The following XPO6 variants were observed in gnomAD, a reference collection of about 807,000 sequenced individuals.
XPO6 encodes the protein exportin-6.
Under a neutral mutation model 130.0 loss-of-function variants are expected in XPO6, and 3 were observed. The observed-to-expected ratio is 0.02, with a 90% confidence interval of 0.01 to 0.06. The LOEUF is 0.06. Ranked by LOEUF, XPO6 falls within the 10% of genes least tolerant of loss-of-function variation. XPO6 has a pLI of 1.00. For synonymous variants in XPO6, 524 were observed against 548.9 expected, an observed-to-expected ratio of 0.95 and a Z score of 0.63; for missense variants, 970 against 1,393.0, an observed-to-expected ratio of 0.70 and a Z score of 4.83.
At chr16:28,138,820 C>T (rs2042829957) in intron 9 of XPO6, among the ~76,000 whole-genome samples, 1 of 152,142 alleles carries the variant, frequency 6.6e-6, no homozygotes, top group Non-Finnish European at 1.5e-5. Flanking sequence ...CCATCTCTGA[C>T]CATAAGATGA....
intron 2 of XPO6, among the ~76,000 whole-genome samples, chr16:28,180,539 T>C (rs1197695819): frequency 6.6e-6 from 1 of 152,056 alleles, no homozygotes; most frequent in Non-Finnish European, 1.5e-5. Flanking sequence ...ACTGTTTCTC[T>C]TTAAATAACC....
intron 8 of XPO6, among the ~76,000 whole-genome samples, chr16:28,146,697 A>G (rs1176939653): frequency 6.6e-6 from 1 of 152,208 alleles, no homozygotes; most frequent in Non-Finnish European, 1.5e-5. Context: ...ATGTAAGGAA[A>G]GTAACACTTG....
intron 15 of XPO6, among the ~76,000 whole-genome samples, chr16:28,114,055 G>A (rs976730876): frequency 9.9e-5 from 15 of 152,148 alleles, no homozygotes; most frequent in African/African-American, 3.1e-4. Flanking sequence ...TAACATAATA[G>A]AATCTGTCCA....
At chr16:28,135,428 T>G in intron 9 of XPO6, 104 bp from the exon 10 acceptor site, 1 of 898,986 alleles carries the variant, frequency 1.1e-6, no homozygotes, top group Non-Finnish European at 1.7e-6. Flanking sequence ...TTGATCACCA[T>G]GGAAAAAGAG....
intron 1 of XPO6, among the ~76,000 whole-genome samples, chr16:28,206,125 C>CA (rs1186234135): frequency 1.4e-5 from 2 of 146,290 alleles, no homozygotes; most frequent in East Asian, 4.0e-4. Context: ...AGATGCCTGG[C>CA]ATATAGAAAG....
chr16:28,200,322 C>T (rs554089915), intron 1 of XPO6, among the ~76,000 whole-genome samples: 42 of 152,298 alleles, frequency 2.8e-4, no homozygotes, highest in African/African-American at 9.6e-4. Flanking sequence ...TCATATAAAA[C>T]AGCAGCAGGC....
At chr16:28,191,830 CATG>C (rs1375252957) in intron 1 of XPO6, among the ~76,000 whole-genome samples, 1 of 152,256 alleles carries the variant, frequency 6.6e-6, no homozygotes, top group Non-Finnish European at 1.5e-5. Flanking sequence ...GCAAATCTAA[CATG>C]ATGATTAACG....
chr16:28,196,287 T>C (rs1667123275), intron 1 of XPO6, among the ~76,000 whole-genome samples: 1 of 152,224 alleles, frequency 6.6e-6, no homozygotes, highest in Non-Finnish European at 1.5e-5. Flanking sequence ...ACTTAATCTA[T>C]GTCATCTTTT....
Position 28,106,407 on chromosome 16 carries a change from T to C in XPO6, c.2588A>G (p.Gln863Arg). Residue 863 changes from glutamine (Q) to arginine (R), a missense_variant, in exon 19 of 24, where the codon CAG (glutamine) becomes CGG (arginine). By Grantham distance (43) the Gln-to-Arg change is conservative. Around this residue, in one of 4 missense-constraint regions of XPO6, gnomAD observed 936 missense variants for 1,306.8 expected, o/e 0.72. Coordinates refer to ENST00000304658, the MANE Select transcript of XPO6 (RefSeq NM_015171.4). This position sits in a 1 kb window ranked among gnomAD's most constrained non-coding sequence, Gnocchi z 4.2. ...CCTGGTAAACATGTTGAGGAAAGTC[T>C]GTATGATTTGCTCAGTGAAAGGCAC... ...MGVPFTEQII[Q>R]TFLNMFTREQ... 6.2e-7 allele frequency: 1 copy of C among 1,614,222 alleles called. No individual in the cohort carries two copies. Among genetic ancestry groups the C allele is most frequent in the Non-Finnish European group, 8.5e-7 (1 of 1,180,020 alleles).
At chr16:28,129,889 G>A (rs12598801) in intron 12 of XPO6, among the ~76,000 whole-genome samples, 1 of 152,224 alleles carries the variant, frequency 6.6e-6, no homozygotes, top group African/African-American at 2.4e-5. Flanking sequence ...GGTGGCAGAA[G>A]TCAAATACAG....
intron 4 of XPO6, 94 bp from the exon 5 acceptor site, chr16:28,170,003 T>C: frequency 6.1e-6 from 9 of 1,482,832 alleles, no homozygotes; most frequent in Non-Finnish European, 8.2e-6. Context: ...TCTGTGTGTG[T>C]TTAATCTTAC....
chr16:28,171,829 G>T (rs1269270044), intron 4 of XPO6, among the ~76,000 whole-genome samples: 1 of 152,010 alleles, frequency 6.6e-6, no homozygotes, highest in African/African-American at 2.4e-5. Flanking sequence ...CTGATCCTTG[G>T]TAAGCATCTC....
rs60754642 is a variant in XPO6 at position 28,186,374 on chromosome 16, C to CTTTTTTTTTTTTTTTTTTTTTTTTT, written c.4-5344_4-5343insAAAAAAAAAAAAAAAAAAAAAAAAA. 4.2e-3 allele frequency among the ~76,000 whole-genome samples: 345 copies of CTTTTTTTTTTTTTTTTTTTTTTTTT among 81,418 alleles called. 74 individuals carry two copies. Among genetic ancestry groups the CTTTTTTTTTTTTTTTTTTTTTTTTT allele is most frequent in the African/African-American group, 5.4e-3 (83 of 15,256 alleles). The allele number at this position is 81,418 out of a possible 152,430, so 53.4% of individuals were successfully genotyped here. A position where few individuals can be genotyped will look rare whatever the true frequency, so the allele number is the denominator to read the frequency against. ...TATAGATTTTTCTGCCCCAGTTATT[C>CTTTTTTTTTTTTTTTTTTTTTTTTT]TTTTTTTTTTTTTTTTTGCTAAAGA... On this transcript the variant is annotated intron_variant, in intron 1 of 23. Coordinates refer to ENST00000304658, the MANE Select transcript of XPO6 (RefSeq NM_015171.4).
At chr16:28,146,070 G>C in intron 9 of XPO6, 24 bp downstream of exon 9, 2 of 1,564,242 alleles carry the variant, frequency 1.3e-6, no homozygotes, top group African/African-American at 1.4e-5. Flanking sequence ...ACCATATCTA[G>C]TTTTCAGTGT....
chr16:28,117,350 T>C lies in XPO6; in HGVS notation c.1972A>G (p.Met658Val), dbSNP rs754413385. 1.9e-6 allele frequency: 3 copies of C among 1,614,160 alleles called. No homozygotes were observed. Among genetic ancestry groups the C allele is most frequent in the Non-Finnish European group, 8.5e-7 (1 of 1,180,030 alleles). ...QQFVTLISTT[M>V]DAITPLISTK... ...CTGATTAGAGGTGTGATTGCATCCATGGTAGTAGAGATGAGTGTCACGAAC... is the reference window on the plus strand; with the variant it reads ...CTGATTAGAGGTGTGATTGCATCCACGGTAGTAGAGATGAGTGTCACGAAC... The change falls in exon 15 of 24, where the codon ATG becomes GTG. Residue 658 changes from methionine (M) to valine (V), a missense_variant. Met to Val is a conservative substitution (Grantham distance 21, BLOSUM62 1). This residue lies in a region of XPO6 where 936 missense variants were observed against 1,306.8 expected (regional missense o/e 0.72). Transcript: ENST00000304658.
rs572315387 is a variant in XPO6, at chr16:28,149,617, T to C, written c.1224+3042A>G. ...ACACAGTAGAATAGTAGAGTAGTAC[T>C]CTACACAGTAACACACTGCACAGGT... On this transcript the variant is annotated intron_variant, in intron 8 of 23. Transcript: ENST00000304658. Among the ~76,000 whole-genome samples, 16 of 152,304 alleles carry C rather than the reference T, an allele frequency of 1.1e-4. No individual in the cohort carries two copies. In the South Asian group the frequency reaches 2.1e-3, roughly 20 times the overall value.
At chr16:28,119,336 G>A (rs931555710) in intron 14 of XPO6, among the ~76,000 whole-genome samples, 2 of 152,036 alleles carry the variant, frequency 1.3e-5, no homozygotes, top group African/African-American at 4.8e-5. Flanking sequence ...CATTTTAAAA[G>A]CAAACTCAGC....
chr16:28,149,063 A>T lies in XPO6; in HGVS notation c.1225-2860T>A, dbSNP rs556581952. On this transcript the variant is annotated intron_variant, in intron 8 of 23. Coordinates refer to ENST00000304658, the MANE Select transcript of XPO6 (RefSeq NM_015171.4). Reference sequence around the variant, plus strand: ...GTCTCCAAAAAAAAAGAAAATAAAAAAAAAAAAAAACAAAAGGAAGGTGGA... The same window carrying T: ...GTCTCCAAAAAAAAAGAAAATAAAATAAAAAAAAAACAAAAGGAAGGTGGA... Among the ~76,000 whole-genome samples, 6 of 150,286 alleles carry T rather than the reference A, an allele frequency of 4.0e-5. 1 individual carries two copies. The South Asian group carries it at 8.6e-4, about 22-fold the overall frequency.
intron 16 of XPO6, 72 bp from the exon 17 acceptor site, chr16:28,112,078 C>T: frequency 6.7e-7 from 1 of 1,496,828 alleles, no homozygotes; most frequent in East Asian, 2.5e-5. Flanking sequence ...CCAACACAGC[C>T]TTCAGCACCC....
Sources: gnomAD v4.1 joint callset for allele counts (sites outside exome capture counted in the v4.1 genomes callset) on GRCh38, gnomAD v4.1.1 for gene constraint, gnomAD v4.1.1 regional missense constraint, Gnocchi (gnomAD v3.1) non-coding constraint, MANE v1.5 for transcripts, NCBI Gene and HGNC (gene_info 2026-07-23, HGNC 2026-07-21) for gene names.